SLC35F4: variants seen among roughly 807,000 people sequenced by gnomAD.
The protein encoded by SLC35F4 is solute carrier family 35 member F4, also known as chromosome 14 open reading frame 36.
Under a neutral mutation model 44.2 loss-of-function variants are expected in SLC35F4, and 24 were observed. The observed-to-expected ratio is 0.54, with a 90% CI of 0.39 to 0.76. SLC35F4 has a LOEUF of 0.76. SLC35F4 is among the 30% of genes least tolerant of loss of function. SLC35F4 has a pLI of 0.00. For synonymous variants in SLC35F4, 238 were observed against 223.6 expected (o/e 1.06, Z -0.57); for missense variants, 562 against 586.1 (o/e 0.96, Z 0.42).
At chr14:57,740,896 C>G (rs1055068660) in intron 1 of SLC35F4, among the ~76,000 whole-genome samples, 3 of 152,188 alleles carry the variant, frequency 2.0e-5, no homozygotes, top group African/African-American at 7.2e-5. Flanking sequence ...CGACTGACAC[C>G]TCACACGGCC....
intron 1 of SLC35F4, among the ~76,000 whole-genome samples, chr14:57,756,722 T>C (rs1265686892): frequency 6.6e-6 from 1 of 152,150 alleles, no homozygotes; most frequent in Non-Finnish European, 1.5e-5. Flanking sequence ...TGGCATGATC[T>C]TGGCTCCCTG....
intron 1 of SLC35F4, among the ~76,000 whole-genome samples, chr14:57,641,609 A>C (rs866664393): frequency 3.3e-5 from 5 of 152,158 alleles, no homozygotes; most frequent in Middle Eastern, 6.8e-3. Context: ...ATTCTACTAG[A>C]AAATGATTCA....
intron 1 of SLC35F4, among the ~76,000 whole-genome samples, chr14:57,897,965 G>A (rs905784954): frequency 6.6e-6 from 1 of 152,166 alleles, no homozygotes; most frequent in African/African-American, 2.4e-5. Flanking sequence ...GACTACTGAA[G>A]TGCTAAGAAA....
intron 1 of SLC35F4, among the ~76,000 whole-genome samples, chr14:57,751,654 C>A (rs888868537): frequency 1.3e-5 from 2 of 151,942 alleles, no homozygotes; most frequent in African/African-American, 4.8e-5. Flanking sequence ...AGTTTGAAGG[C>A]AAAATGAGAT....
intron 1 of SLC35F4, among the ~76,000 whole-genome samples, chr14:57,732,632 T>C (rs942313212): frequency 1.9e-4 from 29 of 152,148 alleles, no homozygotes; most frequent in African/African-American, 6.5e-4. Flanking sequence ...GTTAAAGAGC[T>C]TTAGTTGAAG....
intron 1 of SLC35F4, among the ~76,000 whole-genome samples, chr14:57,801,492 A>G (rs2078192245): frequency 6.6e-6 from 1 of 152,188 alleles, no homozygotes; most frequent in South Asian, 2.1e-4. Flanking sequence ...CATCATGGTG[A>G]CAAAAGCACA....
intron 1 of SLC35F4, among the ~76,000 whole-genome samples, chr14:57,895,050 G>A (rs1032096458): frequency 2.0e-5 from 3 of 152,136 alleles, no homozygotes; most frequent in African/African-American, 7.2e-5. Context: ...CTGAACATAG[G>A]TGGAAGCTAT....
chr14:57,767,425 G>T (rs2077261565), intron 1 of SLC35F4, among the ~76,000 whole-genome samples: 1 of 152,098 alleles, frequency 6.6e-6, no homozygotes, highest in South Asian at 2.1e-4. Flanking sequence ...TAAATATGTG[G>T]ACATTAAACA....
chr14:57,970,168 T>A (rs1215225212), intron 1 of SLC35F4, among the ~76,000 whole-genome samples: 1 of 152,226 alleles, frequency 6.6e-6, no homozygotes, highest in Non-Finnish European at 1.5e-5. Flanking sequence ...TCCTGACTTA[T>A]CAACTAGCAT....
intron 1 of SLC35F4, among the ~76,000 whole-genome samples, chr14:57,709,626 G>C (rs1405884714): frequency 6.6e-6 from 1 of 152,040 alleles, no homozygotes; most frequent in African/African-American, 2.4e-5. Flanking sequence ...CTGGAATAAA[G>C]GTGCTCTTGC....
intron 1 of SLC35F4, among the ~76,000 whole-genome samples, chr14:57,890,795 C>A (rs1888745341): frequency 6.6e-6 from 1 of 151,874 alleles, no homozygotes; most frequent in Admixed American, 6.6e-5. Context: ...ACTGCTGGAC[C>A]CATAATTGAA....
chr14:57,649,799 CCCAAAATTTA>C (rs5808929), intron 1 of SLC35F4, among the ~76,000 whole-genome samples: 135,929 of 151,822 alleles, frequency 0.9, 61,535 homozygotes, highest in Non-Finnish European at 0.97. Flanking sequence ...CACCAAATCC[CCCAAAATTTA>C]CCAAAGAGAA....
At chr14:57,861,273 A>T (rs1203295504) in intron 1 of SLC35F4, among the ~76,000 whole-genome samples, 1 of 151,944 alleles carries the variant, frequency 6.6e-6, no homozygotes, top group Admixed American at 6.6e-5. Flanking sequence ...ACAGACTCCC[A>T]CCATCTCAGT....
chr14:57,784,698 T>A (rs1302000230), intron 1 of SLC35F4, among the ~76,000 whole-genome samples: 1 of 152,010 alleles, frequency 6.6e-6, no homozygotes, highest in African/African-American at 2.4e-5. Flanking sequence ...ACAAGAAACA[T>A]TTTTAGGGAA....
chr14:57,780,901 T>C (rs1007624295), intron 1 of SLC35F4, among the ~76,000 whole-genome samples: 2 of 151,970 alleles, frequency 1.3e-5, no homozygotes, highest in South Asian at 2.1e-4. Flanking sequence ...CCTTATGCCA[T>C]ATACAAAAGC....
rs529017602 is a variant in SLC35F4, at chr14:57,781,941, C to A, written c.103+83782G>T. Reference sequence around the variant, plus strand: ...TCCAGGTTGGGAGGAGGGAGAAGAGCAGAAAAAATAACTATTGGTTACTAG... The same window carrying A: ...TCCAGGTTGGGAGGAGGGAGAAGAGAAGAAAAAATAACTATTGGTTACTAG... On this transcript the variant is annotated intron_variant, in intron 1 of 7. Transcript: ENST00000556826. Among the ~76,000 whole-genome samples, 90 of 152,078 alleles carry A rather than the reference C, an allele frequency of 5.9e-4. 1 individual carries two copies. The highest frequency in any genetic ancestry group is 3.4e-3 in the Middle Eastern group (1 of 294).
At chr14:57,712,538 A>G (rs1309696921) in intron 1 of SLC35F4, among the ~76,000 whole-genome samples, 1 of 152,162 alleles carries the variant, frequency 6.6e-6, no homozygotes, top group Non-Finnish European at 1.5e-5. Context: ...CTCACACGTA[A>G]TATTTTCTAT....
At chr14:57,695,544 G>C (rs998652469) in intron 1 of SLC35F4, among the ~76,000 whole-genome samples, 5 of 151,490 alleles carry the variant, frequency 3.3e-5, no homozygotes, top group South Asian at 2.1e-4. Flanking sequence ...AGGATGTGGA[G>C]AAATAGGAAC....
intron 1 of SLC35F4, among the ~76,000 whole-genome samples, chr14:57,633,946 C>G (rs1229719215): frequency 6.6e-6 from 1 of 151,876 alleles, no homozygotes; most frequent in Non-Finnish European, 1.5e-5. Flanking sequence ...GAAAAGGAGC[C>G]CACATATGAG....
Sources: allele counts gnomAD v4.1 joint callset (sites outside exome capture counted in the v4.1 genomes callset), GRCh38; gene constraint gnomAD v4.1.1; transcripts MANE v1.5; gene names NCBI Gene and HGNC (gene_info 2026-07-23, HGNC 2026-07-21).